CTNNA3: variants seen among roughly 807,000 people sequenced by gnomAD.
The protein encoded by CTNNA3 is catenin alpha-3.
CTNNA3 carries 76 observed loss-of-function variants against 95.7 expected under a neutral mutation model. The ratio of observed to expected loss-of-function variants is 0.79; its 90% CI spans 0.66 to 0.96. The LOEUF (loss-of-function observed/expected upper bound fraction) is 0.96. Among genes scored for constraint, CTNNA3 ranks in the 40% least tolerant of loss-of-function variants. The pLI, the probability that CTNNA3 is intolerant of heterozygous loss-of-function variation, is 0.00. For missense variants in CTNNA3, 1,191 were observed against 1,089.8 expected (o/e 1.09, Z -1.31); for synonymous variants, 431 against 374.4 (o/e 1.15, Z -1.74).
rs1857408325 is a variant in CTNNA3 at position 67,088,041 on chromosome 10, G to A, written c.1047+92276C>T. 2.6e-5 allele frequency among the ~76,000 whole-genome samples: 4 copies of A among 151,922 alleles called. No individual in the cohort carries two copies. In the East Asian group the frequency reaches 7.7e-4, roughly 29 times the overall value. On this transcript the variant is annotated intron_variant, in intron 7 of 17. Coordinates refer to ENST00000433211, the MANE Select transcript of CTNNA3 (RefSeq NM_013266.4). ...AAAAACAGACATATAATAATATCAT[G>A]TGGAAATACCATGATAATTTAAAGA...
chr10:66,171,729 T>C (rs2085442422), intron 13 of CTNNA3, among the ~76,000 whole-genome samples: 1 of 152,080 alleles, frequency 6.6e-6, no homozygotes, highest in Non-Finnish European at 1.5e-5. Flanking sequence ...CTGGTTCTAA[T>C]GATGGAATTA....
intron 5 of CTNNA3, among the ~76,000 whole-genome samples, chr10:67,518,854 G>C (rs1016816391): frequency 6.6e-6 from 1 of 152,064 alleles, no homozygotes; most frequent in African/African-American, 2.4e-5. Flanking sequence ...AAACCAAGTA[G>C]TCCAAGCAGA....
At chr10:67,488,623 G>A (rs1026942549) in intron 5 of CTNNA3, among the ~76,000 whole-genome samples, 1 of 150,662 alleles carries the variant, frequency 6.6e-6, no homozygotes, top group South Asian at 2.1e-4. Context: ...CACCCACCTC[G>A]GCCTCCCAAA....
chr10:66,802,611 T>G (rs538115856), intron 7 of CTNNA3, among the ~76,000 whole-genome samples: 1 of 151,706 alleles, frequency 6.6e-6, no homozygotes, highest in Non-Finnish European at 1.5e-5. Context: ...TACATGTGTA[T>G]AGCCAGATAA....
chr10:67,349,863 T>C (rs1842567068), intron 5 of CTNNA3, among the ~76,000 whole-genome samples: 1 of 152,124 alleles, frequency 6.6e-6, no homozygotes, highest in Admixed American at 6.6e-5. Context: ...TACACAGTTG[T>C]TCAACACTCA....
chr10:66,690,769 G>A (rs1428158506), intron 9 of CTNNA3, among the ~76,000 whole-genome samples: 2 of 151,906 alleles, frequency 1.3e-5, no homozygotes, highest in Non-Finnish European at 2.9e-5. Flanking sequence ...TGTGAGTAGT[G>A]CCGCAATAAA....
chr10:66,314,109 T>C (rs1410161803), intron 12 of CTNNA3, among the ~76,000 whole-genome samples: 1 of 152,158 alleles, frequency 6.6e-6, no homozygotes, highest in African/African-American at 2.4e-5. Context: ...TCACCAGTCA[T>C]AGGAAACATC....
intron 11 of CTNNA3, among the ~76,000 whole-genome samples, chr10:66,473,519 C>T (rs2441730): frequency 0.21 from 32,237 of 151,722 alleles, 6,531 homozygotes; most frequent in East Asian, 0.84. Flanking sequence ...TATTTCTTTC[C>T]TTTTTTATTA....
At chr10:66,789,689 G>T (rs1323260511) in intron 7 of CTNNA3, among the ~76,000 whole-genome samples, 2 of 152,080 alleles carry the variant, frequency 1.3e-5, no homozygotes, top group Non-Finnish European at 2.9e-5. Context: ...GTAATTAATA[G>T]AATATTTTCC....
At chr10:66,803,008 G>C (rs1227200405) in intron 7 of CTNNA3, among the ~76,000 whole-genome samples, 1 of 151,774 alleles carries the variant, frequency 6.6e-6, no homozygotes, top group Non-Finnish European at 1.5e-5. Context: ...TGGTATATCG[G>C]AAATATTCAT....
intron 11 of CTNNA3, among the ~76,000 whole-genome samples, chr10:66,483,029 C>A (rs115311423): frequency 1.6e-3 from 250 of 152,228 alleles, no homozygotes; most frequent in African/African-American, 5.8e-3. Flanking sequence ...TAAAGAAGGA[C>A]GTTTTCCTAA....
At chr10:67,251,042 G>A (rs1191112159) in intron 5 of CTNNA3, among the ~76,000 whole-genome samples, 1 of 152,148 alleles carries the variant, frequency 6.6e-6, no homozygotes, top group African/African-American at 2.4e-5. Context: ...AATGTTTATG[G>A]CAGCATTCTT....
intron 13 of CTNNA3, among the ~76,000 whole-genome samples, chr10:66,199,811 T>A (rs1271958252): frequency 0.015 from 437 of 28,844 alleles, no homozygotes; most frequent in South Asian, 0.024. Flanking sequence ...ATATATTTTT[T>A]TTTTTTTTTT....
chr10:66,862,205 C>T (rs184395565), intron 7 of CTNNA3, among the ~76,000 whole-genome samples: 409 of 152,162 alleles, frequency 2.7e-3, no homozygotes, highest in African/African-American at 9.3e-3. Context: ...CAGAGCGAGA[C>T]ACTGTCTCAA....
At chr10:66,405,569 G>C (rs997203295) in intron 11 of CTNNA3, among the ~76,000 whole-genome samples, 4 of 152,004 alleles carry the variant, frequency 2.6e-5, no homozygotes, top group African/African-American at 9.7e-5. Context: ...TTATATATGA[G>C]TAATATAAGA....
At chr10:66,159,385 C>T (rs1018995781) in intron 13 of CTNNA3, among the ~76,000 whole-genome samples, 1 of 151,958 alleles carries the variant, frequency 6.6e-6, no homozygotes, top group Non-Finnish European at 1.5e-5. Context: ...TAGATTTTGT[C>T]AGGTGCTTTT....
chr10:66,542,502 A>G (rs1589398748), intron 10 of CTNNA3, among the ~76,000 whole-genome samples: 2 of 152,146 alleles, frequency 1.3e-5, no homozygotes, highest in African/African-American at 4.8e-5. Context: ...ATGTCCAACA[A>G]TGATAGACTG....
chr10:67,254,817 T>A (rs911034436), intron 5 of CTNNA3, among the ~76,000 whole-genome samples: 8 of 152,204 alleles, frequency 5.3e-5, no homozygotes, highest in Admixed American at 2.0e-4. Flanking sequence ...AGGTGGGTAG[T>A]AGGCTATACC....
At chr10:67,660,604 G>T (rs1840150808) in intron 1 of CTNNA3, among the ~76,000 whole-genome samples, 1 of 152,166 alleles carries the variant, frequency 6.6e-6, no homozygotes. Flanking sequence ...ACTTAACCAT[G>T]TAAAAAGCCT....
Sources: gnomAD v4.1 joint callset for allele counts (sites outside exome capture counted in the v4.1 genomes callset) on GRCh38, gnomAD v4.1.1 for gene constraint, MANE v1.5 for transcripts, NCBI Gene and HGNC (gene_info 2026-07-23, HGNC 2026-07-21) for gene names.